PIEZO2: variants seen among roughly 807,000 people sequenced by gnomAD.
PIEZO2 encodes the protein piezo-type mechanosensitive ion channel component 2.
Under a neutral mutation model 337.3 loss-of-function variants are expected in PIEZO2, and 172 were observed. That is an observed-to-expected ratio of 0.51 (90% CI 0.45 to 0.58). The LOEUF (loss-of-function observed/expected upper bound fraction) is 0.58, where lower values mean the gene tolerates loss of function less well. PIEZO2 is among the 20% of genes least tolerant of loss of function. PIEZO2 has a pLI of 0.00. For missense variants in PIEZO2, 3,028 were observed against 3,391.3 expected, an observed-to-expected ratio of 0.89 and a Z score of 2.66; for synonymous variants, 1,251 against 1,228.5, an observed-to-expected ratio of 1.02 and a Z score of -0.38.
At chr18:10,939,542 A>T (rs987607302) in intron 3 of PIEZO2, among the ~76,000 whole-genome samples, 5 of 152,244 alleles carry the variant, frequency 3.3e-5, no homozygotes, top group African/African-American at 1.2e-4. Context: ...GATAGACTGG[A>T]TAAAGAAAAT....
Position 10,689,745 on chromosome 18 carries a change from C to T in PIEZO2, c.7407G>A (p.Thr2469=), listed in dbSNP as rs140553725. 268 of 1,614,022 alleles carry T rather than the reference C, an allele frequency of 1.7e-4. No individual in the cohort carries two copies. Among genetic ancestry groups the T allele is most frequent in the Non-Finnish European group, 2.1e-4 (253 of 1,180,002 alleles). ...AGCTGGACAGGCTCAAAGTTGTGTC[C>T]GTCCACACCCAGTCCATCACTGCCC... ...ELRAVMDWVW[T]DTTLSLSSWI... Residue 2469 remains threonine, a synonymous_variant, in exon 49 of 56, where the codon ACG becomes ACA. Coordinates refer to ENST00000674853, the MANE Select transcript of PIEZO2 (RefSeq NM_001378183.1).
At chr18:10,739,104 G>C (rs972061401) in intron 33 of PIEZO2, 1 of 152,170 alleles carries the variant, frequency 6.6e-6, no homozygotes, top group Non-Finnish European at 1.5e-5. Context: ...CAGATCTAAA[G>C]ATAAATTCTG....
intron 18 of PIEZO2, among the ~76,000 whole-genome samples, chr18:10,777,625 C>T (rs1442608198): frequency 1.3e-5 from 2 of 152,170 alleles, no homozygotes; most frequent in South Asian, 2.1e-4. Flanking sequence ...TAGTAAACTA[C>T]TTTCCATTAA....
chr18:10,785,655 T>G (rs143804323), intron 16 of PIEZO2, among the ~76,000 whole-genome samples: 1 of 152,104 alleles, frequency 6.6e-6, no homozygotes, highest in Non-Finnish European at 1.5e-5. Flanking sequence ...GTTCTTTTCT[T>G]TCATATCTCA....
rs560391859 is a variant in PIEZO2 at position 10,847,101 on chromosome 18, C to T, written c.917+8252G>A. On this transcript the variant is annotated intron_variant, in intron 7 of 55. Coordinates refer to ENST00000674853, the MANE Select transcript of PIEZO2 (RefSeq NM_001378183.1). The surrounding 1 kb of genome is among the most constrained non-coding windows in gnomAD (Gnocchi z 5.7). ...GTGCTCTGCCTAGAAAATAGCAGGG[C>T]CAAGGTTCAATCTCGAGCCCGTGGA... 6.6e-6 allele frequency among the ~76,000 whole-genome samples: 1 copy of T among 152,208 alleles called. No individual in the cohort carries two copies.
intron 4 of PIEZO2, among the ~76,000 whole-genome samples, chr18:10,909,504 T>C (rs1272333425): frequency 9.3e-6 from 1 of 107,282 alleles, no homozygotes; most frequent in Non-Finnish European, 1.9e-5. Flanking sequence ...TAAAGACTTA[T>C]TTGTATTAGG....
intron 4 of PIEZO2, among the ~76,000 whole-genome samples, chr18:10,880,850 TATATATATATATATATATA>T (rs1416097051): frequency 2.6e-3 from 14 of 5,460 alleles, no homozygotes; most frequent in African/African-American, 7.9e-3. Flanking sequence ...ACATATCATA[TATATATATATATATATATA>T]TATATATATA....
rs780011297 is a variant in PIEZO2 at position 10,672,692 on chromosome 18, A to G, written c.8343T>C (p.Tyr2781=). 1.5e-5 allele frequency: 24 copies of G among 1,613,840 alleles called. No homozygotes were observed. Among genetic ancestry groups the G allele is most frequent in the East Asian group, 4.5e-5 (2 of 44,874 alleles). The change falls in exon 55 of 56, where the codon TAT becomes TAC. Residue 2781 remains tyrosine, a splice_region_variant and synonymous_variant. Transcript: ENST00000674853. The surrounding 1 kb of genome is among the most constrained non-coding windows in gnomAD (Gnocchi z 4.7). ...SPPSLGFLAG[Y]GIMGLYASVV... ...TGAATTGTTCAATGAGTCCTTACCC[A>G]TAGCCAGCCAGGAACCCCAGACTTG...
intron 23 of PIEZO2, among the ~76,000 whole-genome samples, chr18:10,761,340 T>A (rs1396679972): frequency 6.6e-6 from 1 of 152,200 alleles, no homozygotes; most frequent in Admixed American, 6.5e-5. Flanking sequence ...TCTCCAAACA[T>A]AAGATGCTGC....
chr18:11,122,464 C>T (rs1213087355), intron 1 of PIEZO2, among the ~76,000 whole-genome samples: 1 of 152,114 alleles, frequency 6.6e-6, no homozygotes, highest in Non-Finnish European at 1.5e-5. Context: ...TGTTAATTTT[C>T]CTTCCTCTAA....
In PIEZO2 at chr18:10,998,401, C is replaced by T. The variant is rs568494255; in HGVS notation, c.161-18741G>A. On this transcript the variant is annotated intron_variant, in intron 2 of 55. Coordinates refer to ENST00000674853, the MANE Select transcript of PIEZO2 (RefSeq NM_001378183.1). ...ACACTCCTTAATTACAGTCTTGCTC[C>T]AGTTAATTCATGGAATTTCTAGAAA... Among the ~76,000 whole-genome samples the T allele has an allele frequency of 4.6e-5, 7 of 151,894 alleles. No homozygotes were observed. The East Asian group carries it at 5.8e-4, about 13-fold the overall frequency.
chr18:10,881,883 CT>C (rs556187956), intron 4 of PIEZO2, among the ~76,000 whole-genome samples: 1 of 151,946 alleles, frequency 6.6e-6, no homozygotes, highest in African/African-American at 2.4e-5. Context: ...CGACAGTACT[CT>C]TTTTTTTGCC....
chr18:11,144,386 C>T (rs1310751351), intron 1 of PIEZO2, among the ~76,000 whole-genome samples: 1 of 152,096 alleles, frequency 6.6e-6, no homozygotes, highest in Non-Finnish European at 1.5e-5. Context: ...AAATGCCTTC[C>T]ATGAATCCTT....
Position 10,847,905 on chromosome 18 carries a change from G to A in PIEZO2, c.917+7448C>T, listed in dbSNP as rs1051421236. 2.0e-5 allele frequency among the ~76,000 whole-genome samples: 3 copies of A among 152,190 alleles called. No homozygotes were observed. Among genetic ancestry groups the A allele is most frequent in the Non-Finnish European group, 4.4e-5 (3 of 68,034 alleles). On this transcript the variant is annotated intron_variant, in intron 7 of 55. Coordinates refer to ENST00000674853, the MANE Select transcript of PIEZO2 (RefSeq NM_001378183.1). The surrounding 1 kb of genome is among the most constrained non-coding windows in gnomAD (Gnocchi z 5.7). The stretch of plus-strand genomic sequence containing the variant: ...AAGGTGAAGGGAAAGTGGTAGCTTG[G>A]TTGGGTTCATTTGCATTCCTTAGCA...
At position 11,031,279 on chromosome 18, in the gene PIEZO2, G is replaced by A. The variant is rs185860940; in HGVS notation, c.160+34848C>T. Among the ~76,000 whole-genome samples, 476 of 151,732 alleles carry A rather than the reference G, an allele frequency of 3.1e-3. 6 individuals are homozygous for A. The highest frequency in any genetic ancestry group is 0.011 in the African/African-American group (453 of 41,358). ...CTCCCAAAGTGCTGGGATTACAGGC[G>A]TGAGCCACTGCGCCTGGCCTGGAAT... On this transcript the variant is annotated intron_variant, in intron 2 of 55. Coordinates refer to ENST00000674853, the MANE Select transcript of PIEZO2 (RefSeq NM_001378183.1). This position sits in a 1 kb window ranked among gnomAD's most constrained non-coding sequence, Gnocchi z 4.7.
intron 4 of PIEZO2, among the ~76,000 whole-genome samples, chr18:10,898,562 T>C (rs911447496): frequency 6.6e-6 from 1 of 151,970 alleles, no homozygotes; most frequent in South Asian, 2.1e-4. Context: ...GAATATTAGG[T>C]TGGGGAGTTA....
chr18:10,759,505 C>G lies in PIEZO2; in HGVS notation c.3734G>C (p.Arg1245Pro). The change falls in exon 26 of 56, where the codon CGG becomes CCG. Residue 1245 changes from arginine (R) to proline (P), a missense_variant. Physicochemically the swap from Arg to Pro is moderately radical, Grantham distance 103. This residue lies in a region of PIEZO2 where 1,925 missense variants were observed against 2,051.9 expected (regional missense o/e 0.94). Coordinates refer to ENST00000674853, the MANE Select transcript of PIEZO2 (RefSeq NM_001378183.1). The surrounding 1 kb of genome is among the most constrained non-coding windows in gnomAD (Gnocchi z 5.5). ...KWLYFPDFIV[R>P]PNPVFLVYDF... ...ACAGACGAGAAACACAGGGTTGGGC[C>G]GCACAATGAAATCTGGGAAGTACAG... The G allele has an allele frequency of 6.5e-7, 1 of 1,537,050 alleles. No homozygotes were observed. Among genetic ancestry groups the G allele is most frequent in the Non-Finnish European group, 8.7e-7 (1 of 1,146,880 alleles).
chr18:11,026,264 T>C (rs1362162245), intron 2 of PIEZO2, among the ~76,000 whole-genome samples: 4 of 152,186 alleles, frequency 2.6e-5, no homozygotes, highest in Non-Finnish European at 4.4e-5. Context: ...TATTAATATA[T>C]TGAAATTGTA....
intron 1 of PIEZO2, among the ~76,000 whole-genome samples, chr18:11,086,242 C>T (rs533797456): frequency 3.9e-5 from 6 of 152,182 alleles, no homozygotes; most frequent in Middle Eastern, 3.4e-3. Context: ...AAAACAGGGC[C>T]GGGCGCAGTG....
Sources: gnomAD v4.1 joint callset for allele counts (sites outside exome capture counted in the v4.1 genomes callset) on GRCh38, gnomAD v4.1.1 for gene constraint, gnomAD v4.1.1 regional missense constraint, Gnocchi (gnomAD v3.1) non-coding constraint, MANE v1.5 for transcripts, NCBI Gene and HGNC (gene_info 2026-07-23, HGNC 2026-07-21) for gene names.